The following GRIK1 variants were observed in gnomAD, a reference collection of about 807,000 sequenced individuals.
GRIK1 encodes glutamate ionotropic receptor kainate type subunit 1.
GRIK1 carries 69 observed loss-of-function variants against 105.7 expected under a neutral mutation model. The observed-to-expected ratio is 0.65, with a 90% confidence interval of 0.54 to 0.80. The LOEUF (loss-of-function observed/expected upper bound fraction) is 0.80. Among genes scored for constraint, GRIK1 ranks in the 30% least tolerant of loss-of-function variants. GRIK1 has a pLI of 0.00. For synonymous variants in GRIK1, 438 were observed against 431.3 expected, an observed-to-expected ratio of 1.02 and a Z score of -0.19; for missense variants, 1,109 against 1,167.3, an observed-to-expected ratio of 0.95 and a Z score of 0.73.
At chr21:29,597,842 T>G (rs1174016130) in intron 8 of GRIK1, 1 of 179,886 alleles carries the variant, frequency 5.6e-6, no homozygotes, top group Non-Finnish European at 1.3e-5. Flanking sequence ...GAGGGGTAGT[T>G]AGCACCTGCA....
chr21:29,642,688 C>G (rs775677169), intron 7 of GRIK1, 138 bp downstream of exon 7: 11 of 704,610 alleles, frequency 1.6e-5, no homozygotes, highest in Admixed American at 3.0e-5. Context: ...ACACTGAAAT[C>G]TGAGCAGACT....
chr21:29,673,142 G>A lies in GRIK1; in HGVS notation c.567C>T (p.Leu189=). 6.2e-7 allele frequency: 1 copy of A among 1,610,960 alleles called. No homozygotes were observed. ...TATTATATCTGGAGGGAGCTTTGAT[G>A]AGCTCTTGTAGACGAATTAGACCTA... ...DSTGLIRLQE[L]IKAPSRYNIK... Residue 189 remains leucine, a synonymous_variant, in exon 4 of 18, where the codon CTC becomes CTT. Transcript: ENST00000327783.
At chr21:29,809,582 T>C (rs1397513331) in intron 1 of GRIK1, among the ~76,000 whole-genome samples, 1 of 152,230 alleles carries the variant, frequency 6.6e-6, no homozygotes, top group African/African-American at 2.4e-5. Context: ...ACTTTCTTTA[T>C]ATCAGCAATA....
intron 1 of GRIK1, among the ~76,000 whole-genome samples, chr21:29,806,712 G>T (rs112213038): frequency 6.6e-6 from 1 of 152,018 alleles, no homozygotes; most frequent in African/African-American, 2.4e-5. Context: ...CTTACCTTGC[G>T]CTGGGCACTG....
intron 16 of GRIK1, among the ~76,000 whole-genome samples, chr21:29,552,443 A>G (rs2146117397): frequency 6.6e-6 from 1 of 152,238 alleles, no homozygotes; most frequent in South Asian, 2.1e-4. Context: ...ATGCAGATGG[A>G]AAATGAATCT....
At position 29,587,526 on chromosome 21, in the gene GRIK1, A is replaced by G. The variant is rs777968239; in HGVS notation, c.1633T>C (p.Ser545Pro). 12 of 1,613,732 alleles carry G rather than the reference A, an allele frequency of 7.4e-6. No individual in the cohort carries two copies. Among genetic ancestry groups the G allele is most frequent in the African/African-American group, 1.3e-5 (1 of 74,944 alleles). Residue 545 changes from serine to proline, a missense_variant, in exon 12 of 18, where the codon TCC becomes CCC. Coordinates refer to ENST00000327783, the MANE Select transcript of GRIK1 (RefSeq NM_001330994.2). The stretch of plus-strand genomic sequence containing the variant: ...ATGCCTAGGGTCATGAAGGGTTTGG[A>G]GAAGTCAATGACTTTCTCCCGCACG... ...TYVREKVIDFSKPFMTLGISI... is the reference protein window; with the variant it reads ...TYVREKVIDFPKPFMTLGISI...
At chr21:29,568,375 C>T (rs2146203750) in intron 14 of GRIK1, among the ~76,000 whole-genome samples, 1 of 152,288 alleles carries the variant, frequency 6.6e-6, no homozygotes, top group East Asian at 1.9e-4. Flanking sequence ...CTCATTGCTT[C>T]ATTTCCACTG....
chr21:29,932,302 T>C (rs2071593151), intron 1 of GRIK1, among the ~76,000 whole-genome samples: 1 of 152,160 alleles, frequency 6.6e-6, no homozygotes, highest in Non-Finnish European at 1.5e-5. Context: ...TTGTGGCCAG[T>C]AGTTTACTTA....
chr21:29,556,426 C>A (rs2090257539), intron 15 of GRIK1, among the ~76,000 whole-genome samples: 1 of 152,138 alleles, frequency 6.6e-6, no homozygotes, highest in African/African-American at 2.4e-5. Flanking sequence ...AATGAAGTCT[C>A]CATTTCTACT....
At chr21:29,816,069 A>T (rs183853472) in intron 1 of GRIK1, among the ~76,000 whole-genome samples, 1 of 152,258 alleles carries the variant, frequency 6.6e-6, no homozygotes, top group Admixed American at 6.5e-5. Flanking sequence ...CTGTATCCAG[A>T]ATACACAAGG....
intron 1 of GRIK1, among the ~76,000 whole-genome samples, chr21:29,733,282 T>C (rs1034406717): frequency 6.6e-6 from 1 of 152,186 alleles, no homozygotes; most frequent in Non-Finnish European, 1.5e-5. Context: ...TGTGTTTATA[T>C]ATAAATTTTA....
chr21:29,913,780 T>A (rs1301467343), intron 1 of GRIK1, among the ~76,000 whole-genome samples: 2 of 151,634 alleles, frequency 1.3e-5, no homozygotes, highest in African/African-American at 4.8e-5. Context: ...TGAATATCAA[T>A]TGGTTTTTCT....
At chr21:29,577,812 A>AT (rs2146243202) in intron 13 of GRIK1, among the ~76,000 whole-genome samples, 1 of 152,302 alleles carries the variant, frequency 6.6e-6, no homozygotes, top group Non-Finnish European at 1.5e-5. Flanking sequence ...GCAACGCATA[A>AT]TTTTGTACTT....
chr21:29,774,149 C>G (rs1468530783), intron 1 of GRIK1, among the ~76,000 whole-genome samples: 2 of 152,098 alleles, frequency 1.3e-5, no homozygotes. Context: ...TTATAATATC[C>G]TTGCAGAGAA....
chr21:29,680,916 C>T (rs558364172), intron 3 of GRIK1, among the ~76,000 whole-genome samples: 392 of 152,234 alleles, frequency 2.6e-3, no homozygotes, highest in Non-Finnish European at 4.4e-3. Context: ...AGGTGGATCA[C>T]GAGGTCAGGA....
At chr21:29,665,612 G>T (rs1221314342) in intron 4 of GRIK1, among the ~76,000 whole-genome samples, 1 of 152,204 alleles carries the variant, frequency 6.6e-6, no homozygotes, top group Non-Finnish European at 1.5e-5. Flanking sequence ...GTACAAGCAA[G>T]TTCTTTATAT....
chr21:29,741,925 C>A (rs2064939326), intron 1 of GRIK1, among the ~76,000 whole-genome samples: 1 of 152,118 alleles, frequency 6.6e-6, no homozygotes, highest in South Asian at 2.1e-4. Flanking sequence ...CAGGCCTTTG[C>A]TGAGAGAAGG....
intron 1 of GRIK1, among the ~76,000 whole-genome samples, chr21:29,754,261 G>T (rs971234323): frequency 6.6e-6 from 1 of 152,090 alleles, no homozygotes; most frequent in African/African-American, 2.4e-5. Context: ...ACAACAATAG[G>T]AAAGTCCAAA....
chr21:29,781,710 C>CTGGACTG (rs2066109437), intron 1 of GRIK1, among the ~76,000 whole-genome samples: 2 of 78,296 alleles, frequency 2.6e-5, no homozygotes, highest in African/African-American at 3.3e-5. Context: ...GTCGCCCAGG[C>CTGGACTG]CGGACTGCGG....
Sources: allele counts gnomAD v4.1 joint callset (sites outside exome capture counted in the v4.1 genomes callset), GRCh38; gene constraint gnomAD v4.1.1; transcripts MANE v1.5; gene names NCBI Gene and HGNC (gene_info 2026-07-23, HGNC 2026-07-21).